SUSD5: variants seen among roughly 807,000 people sequenced by gnomAD.
The protein encoded by SUSD5 is sushi domain containing 5.
A neutral mutation model predicts 29.5 loss-of-function variants in SUSD5; 33 were observed. That is an observed-to-expected ratio of 1.12 (90% CI 0.85 to 1.49). SUSD5 has a LOEUF of 1.49. Ranked by LOEUF, SUSD5 falls within the 40% of genes most tolerant of loss-of-function variation. The probability of loss-of-function intolerance (pLI) is 0.00; values close to 1 mark genes in which losing one functional copy is unlikely to be tolerated. For synonymous variants in SUSD5, 308 were observed against 325.3 expected (o/e 0.95, Z 0.57); for missense variants, 776 against 800.6 (o/e 0.97, Z 0.37).
At chr3:33,177,844 A>G (rs1291134332) in intron 3 of SUSD5, among the ~76,000 whole-genome samples, 1 of 152,232 alleles carries the variant, frequency 6.6e-6, no homozygotes, top group Non-Finnish European at 1.5e-5. Context: ...GTTTGTTACT[A>G]TAACTGCTTA....
At chr3:33,170,429 G>A (rs185199970) in intron 4 of SUSD5, among the ~76,000 whole-genome samples, 1 of 152,304 alleles carries the variant, frequency 6.6e-6, no homozygotes, top group Admixed American at 6.5e-5. Context: ...TACACAGAGG[G>A]GAGAAAATGG....
intron 3 of SUSD5, among the ~76,000 whole-genome samples, chr3:33,176,480 C>T (rs2031554769): frequency 6.6e-6 from 1 of 152,174 alleles, no homozygotes; most frequent in Non-Finnish European, 1.5e-5. Flanking sequence ...ATGAGTGTTC[C>T]TGTTGCTCCA....
chr3:33,192,229 A>C (rs2031907428), intron 3 of SUSD5, among the ~76,000 whole-genome samples: 1 of 148,098 alleles, frequency 6.8e-6, no homozygotes, highest in African/African-American at 2.5e-5. Flanking sequence ...ATGCGCCACC[A>C]CATCCAGCTA....
Position 33,188,674 on chromosome 3 carries a change from T to C in SUSD5, c.410-13600A>G, listed in dbSNP as rs1010914620. On this transcript the variant is annotated intron_variant, in intron 3 of 4. Transcript: ENST00000309558. ...TCCTCAAAAACAGGCAAAACCTATA[T>C]GTGGTGATAAGAATTGGAATAGAGA... Among the ~76,000 whole-genome samples the C allele has an allele frequency of 3.9e-5, 6 of 152,128 alleles. No individual in the cohort carries two copies. In the East Asian group the frequency reaches 7.7e-4, roughly 20 times the overall value.
chr3:33,193,026 G>T (rs4501065), intron 3 of SUSD5, among the ~76,000 whole-genome samples: 7 of 151,712 alleles, frequency 4.6e-5, no homozygotes, highest in Non-Finnish European at 7.4e-5. Flanking sequence ...GCCAAACAAC[G>T]GTTTTTTGCA....
chr3:33,189,344 G>A (rs961434306), intron 3 of SUSD5, among the ~76,000 whole-genome samples: 45 of 151,968 alleles, frequency 3.0e-4, no homozygotes, highest in African/African-American at 9.7e-5. Flanking sequence ...TGGATGTGGC[G>A]GCGCACGCCT....
At chr3:33,175,748 C>A (rs112662672) in intron 3 of SUSD5, among the ~76,000 whole-genome samples, 9 of 152,144 alleles carry the variant, frequency 5.9e-5, no homozygotes, top group African/African-American at 2.2e-4. Context: ...TTCCCCTATA[C>A]CCCCGACCCT....
At chr3:33,185,362 T>C (rs1030494616) in intron 3 of SUSD5, among the ~76,000 whole-genome samples, 1 of 152,236 alleles carries the variant, frequency 6.6e-6, no homozygotes, top group African/African-American at 2.4e-5. Flanking sequence ...AAGGACCTGA[T>C]AGAGCTCCTG....
chr3:33,213,703 G>C (rs1460306681), intron 2 of SUSD5, among the ~76,000 whole-genome samples: 1 of 152,122 alleles, frequency 6.6e-6, no homozygotes, highest in Non-Finnish European at 1.5e-5. Flanking sequence ...GAACCTGGGA[G>C]GTGGAGGTTG....
In SUSD5 at chr3:33,209,651, CTTTCT is replaced by C. The variant is rs1225317248; in HGVS notation, c.291-1730_291-1726del. Among the ~76,000 whole-genome samples the C allele has an allele frequency of 7.0e-5, 10 of 143,624 alleles. No homozygotes were observed. The South Asian group carries it at 2.0e-3, about 28-fold the overall frequency. 94.2% of individuals were successfully genotyped at this position (143,624 alleles called of 152,430 possible). On this transcript the variant is annotated intron_variant, in intron 2 of 4. Transcript: ENST00000309558. ...TTTCTTTTCTTTCTCTCTCTTCTTT[CTTTCT>C]TTTCTTTTTTTTTCTTTTCTTTTCT...
chr3:33,205,959 G>C (rs868366189), intron 3 of SUSD5, among the ~76,000 whole-genome samples: 2 of 152,200 alleles, frequency 1.3e-5, no homozygotes, highest in Non-Finnish European at 2.9e-5. Flanking sequence ...AAAGAAGTAA[G>C]ACTCAGAAGC....
At chr3:33,215,242 G>A (rs926925650) in intron 1 of SUSD5, among the ~76,000 whole-genome samples, 7 of 151,984 alleles carry the variant, frequency 4.6e-5, no homozygotes, top group African/African-American at 7.2e-5. Flanking sequence ...ATCCCTCTCA[G>A]TAATTGTTAA....
At chr3:33,213,687 T>C (rs924799749) in intron 2 of SUSD5, among the ~76,000 whole-genome samples, 1 of 152,082 alleles carries the variant, frequency 6.6e-6, no homozygotes, top group African/African-American at 2.4e-5. Flanking sequence ...GGCAGGAGAA[T>C]TGCTTGAACC....
chr3:33,200,351 T>C (rs1189726540), intron 3 of SUSD5, among the ~76,000 whole-genome samples: 2 of 152,172 alleles, frequency 1.3e-5, no homozygotes, highest in African/African-American at 4.8e-5. Context: ...AAGCAGAAAT[T>C]GGTAACAAGA....
chr3:33,175,310 T>C (rs1361096866), intron 3 of SUSD5, among the ~76,000 whole-genome samples: 1 of 152,136 alleles, frequency 6.6e-6, no homozygotes, highest in Admixed American at 6.5e-5. Flanking sequence ...TGCTGCAACT[T>C]TGCATTTTAA....
rs527442578 is a variant in SUSD5, at chr3:33,150,810, A to G, written c.*1932T>C. The G allele has an allele frequency of 4.6e-5, 7 of 152,204 alleles. No individual in the cohort carries two copies. Among genetic ancestry groups the G allele is most frequent in the Admixed American group, 4.6e-4 (7 of 15,284 alleles). 9.4% of individuals were successfully genotyped at this position (152,204 alleles called of 1,614,324 possible). A position where few individuals can be genotyped will look rare whatever the true frequency, so the allele number is the denominator to read the frequency against. On this transcript the variant is annotated 3_prime_UTR_variant, in exon 5 of 5. Transcript: ENST00000309558. Reference sequence around the variant, plus strand: ...TTTTTCCTTAGGTAAAACACCACCAACAATTTTTCAATCATAAAAAAGATC... The same window carrying G: ...TTTTTCCTTAGGTAAAACACCACCAGCAATTTTTCAATCATAAAAAAGATC...
chr3:33,196,970 T>G (rs2032007527), intron 3 of SUSD5, among the ~76,000 whole-genome samples: 1 of 152,248 alleles, frequency 6.6e-6, no homozygotes, highest in South Asian at 2.1e-4. Flanking sequence ...GTTACTCATC[T>G]GTAAAATTTG....
intron 3 of SUSD5, among the ~76,000 whole-genome samples, chr3:33,178,849 T>C (rs2031608665): frequency 1.3e-5 from 2 of 152,232 alleles, no homozygotes; most frequent in Admixed American, 1.3e-4. Flanking sequence ...GAAAAGATTG[T>C]AGAAAATTGG....
chr3:33,177,148 G>T (rs1284736704), intron 3 of SUSD5, among the ~76,000 whole-genome samples: 1 of 152,078 alleles, frequency 6.6e-6, no homozygotes, highest in African/African-American at 2.4e-5. Context: ...AAATTTTTTT[G>T]TGTCAAAAAT....
Sources: gnomAD v4.1 joint callset for allele counts (sites outside exome capture counted in the v4.1 genomes callset) on GRCh38, gnomAD v4.1.1 for gene constraint, MANE v1.5 for transcripts, NCBI Gene and HGNC (gene_info 2026-07-23, HGNC 2026-07-21) for gene names.